TBC1D9: variants seen among roughly 807,000 people sequenced by gnomAD.
The protein encoded by TBC1D9 is TBC1 domain family member 9A.
A neutral mutation model predicts 132.0 loss-of-function variants in TBC1D9; 63 were observed. That is an observed-to-expected ratio of 0.48 (90% CI 0.39 to 0.59). TBC1D9 has a LOEUF of 0.59. Ranked by LOEUF, TBC1D9 falls within the 20% of genes least tolerant of loss-of-function variation. TBC1D9 has a pLI of 0.00. For missense variants in TBC1D9, 1,261 were observed against 1,592.7 expected (o/e 0.79, Z 3.54); for synonymous variants, 610 against 609.9 (o/e 1.00, Z 0.00).
At chr4:140,725,051 T>C (rs548087878) in intron 1 of TBC1D9, among the ~76,000 whole-genome samples, 1 of 152,352 alleles carries the variant, frequency 6.6e-6, no homozygotes, top group South Asian at 2.1e-4. Context: ...ACGATTTCAC[T>C]TGTTGAAATT....
rs570639420 is a variant in TBC1D9, at chr4:140,696,391, A to T, written c.241+5113T>A. ...AGAATCACTTCAACCCAGAAGGCAG[A>T]GGTTGCAGTGAGCCGAGATTGTGCC... On this transcript the variant is annotated intron_variant, in intron 2 of 20. Coordinates refer to ENST00000442267, the MANE Select transcript of TBC1D9 (RefSeq NM_015130.3). 2.1e-4 allele frequency among the ~76,000 whole-genome samples: 28 copies of T among 130,876 alleles called. 1 individual carries two copies. The South Asian group carries it at 7.4e-3, about 35-fold the overall frequency. 85.9% of individuals were successfully genotyped at this position (130,876 alleles called of 152,430 possible). A position where few individuals can be genotyped will look rare whatever the true frequency, so the allele number is the denominator to read the frequency against.
chr4:140,751,752 C>T (rs370854863), intron 1 of TBC1D9, among the ~76,000 whole-genome samples: 2 of 152,224 alleles, frequency 1.3e-5, no homozygotes, highest in South Asian at 4.1e-4. Flanking sequence ...AGAAAAAAGA[C>T]AATCCGGTTG....
At chr4:140,643,404 A>AGGGTGTTCC in intron 13 of TBC1D9, 1 of 1,116,500 alleles carries the variant, frequency 9.0e-7, no homozygotes, top group Non-Finnish European at 1.3e-6. Flanking sequence ...GGCCACCTCC[A>AGGGTGTTCC]TGCCAGCCAG....
At chr4:140,709,065 A>C (rs963701839) in intron 1 of TBC1D9, among the ~76,000 whole-genome samples, 5 of 152,122 alleles carry the variant, frequency 3.3e-5, no homozygotes, top group African/African-American at 1.2e-4. Flanking sequence ...GGTTCTCAAC[A>C]AGCCTACTAT....
chr4:140,635,717 G>A (rs1736869121), intron 15 of TBC1D9, among the ~76,000 whole-genome samples: 1 of 152,164 alleles, frequency 6.6e-6, no homozygotes, highest in Non-Finnish European at 1.5e-5. Context: ...AGGAGAGGTG[G>A]TGAGCAGAAC....
intron 1 of TBC1D9, among the ~76,000 whole-genome samples, chr4:140,702,689 G>A (rs553131601): frequency 7.9e-5 from 12 of 152,278 alleles, no homozygotes; most frequent in Admixed American, 5.2e-4. Context: ...ACACTGAAGC[G>A]GGATTGGCAC....
chr4:140,673,035 C>T (rs1231619850), intron 6 of TBC1D9, among the ~76,000 whole-genome samples: 2 of 152,096 alleles, frequency 1.3e-5, no homozygotes, highest in African/African-American at 4.8e-5. Flanking sequence ...TGGCGCATGC[C>T]TGTAATTCTA....
intron 11 of TBC1D9, 63 bp downstream of exon 11, chr4:140,659,525 A>C: frequency 8.5e-7 from 1 of 1,175,220 alleles, no homozygotes. Flanking sequence ...TCTGGCTGGC[A>C]CCTCTCTAAA....
intron 2 of TBC1D9, among the ~76,000 whole-genome samples, chr4:140,696,046 T>C (rs981165456): frequency 6.6e-6 from 1 of 152,202 alleles, no homozygotes; most frequent in African/African-American, 2.4e-5. Context: ...ACTAGTGAAA[T>C]GAAATGGTCG....
rs568137665 is a variant in TBC1D9, at chr4:140,674,739, C to T, written c.1059+2155G>A. Among the ~76,000 whole-genome samples the T allele has an allele frequency of 1.5e-3, 222 of 151,622 alleles. 1 individual carries two copies. Among genetic ancestry groups the T allele is most frequent in the Middle Eastern group, 6.8e-3 (2 of 292 alleles). On this transcript the variant is annotated intron_variant, in intron 6 of 20. Coordinates refer to ENST00000442267, the MANE Select transcript of TBC1D9 (RefSeq NM_015130.3). ...TTAGAGATAAGGTCTTGCTCTGTCA[C>T]CCAAGCTGGAGTGCAGTGGTTCGAT...
chr4:140,622,422 T>C lies in TBC1D9; in HGVS notation c.3574A>G (p.Ser1192Gly). ...DIGEDTVLVR[S>G]GQGTAALPRS... is the part of the protein sequence containing the mutation. The stretch of plus-strand genomic sequence containing the variant: ...GGCAGTGCCGCCGTGCCCTGGCCGC[T>C]CCGCACCAGGACCGTGTCCTCTCCG... The change falls in exon 21 of 21, where the codon AGC becomes GGC. Residue 1192 changes from serine (S) to glycine (G), a missense_variant. Ser to Gly is a moderately conservative substitution (Grantham distance 56). This residue lies in a region of TBC1D9 where 618 missense variants were observed against 724.4 expected (regional missense o/e 0.85). Coordinates refer to ENST00000442267, the MANE Select transcript of TBC1D9 (RefSeq NM_015130.3). 1 of 1,613,604 alleles carries C rather than the reference T, an allele frequency of 6.2e-7. No individual in the cohort carries two copies. Among genetic ancestry groups the C allele is most frequent in the South Asian group, 1.1e-5 (1 of 91,054 alleles).
intron 9 of TBC1D9, among the ~76,000 whole-genome samples, chr4:140,664,463 CT>C (rs1277186043): frequency 6.6e-6 from 1 of 152,080 alleles, no homozygotes. Flanking sequence ...CCCATCTGTC[CT>C]TTTTGCAAAA....
chr4:140,713,333 C>T (rs1320237132), intron 1 of TBC1D9, among the ~76,000 whole-genome samples: 2 of 152,158 alleles, frequency 1.3e-5, no homozygotes, highest in Non-Finnish European at 2.9e-5. Context: ...ACCAGCCACT[C>T]TGTGCTTATA....
At chr4:140,712,875 G>A (rs568378251) in intron 1 of TBC1D9, among the ~76,000 whole-genome samples, 1 of 152,140 alleles carries the variant, frequency 6.6e-6, no homozygotes, top group Non-Finnish European at 1.5e-5. Flanking sequence ...TATTTCTCAT[G>A]GCCTAATAAC....
At chr4:140,732,390 A>C (rs979379975) in intron 1 of TBC1D9, among the ~76,000 whole-genome samples, 2 of 152,182 alleles carry the variant, frequency 1.3e-5, no homozygotes, top group Non-Finnish European at 2.9e-5. Context: ...GCAGTTGCAA[A>C]ATATTTAAAT....
intron 1 of TBC1D9, among the ~76,000 whole-genome samples, chr4:140,726,245 C>T (rs1043426029): frequency 2.0e-5 from 3 of 151,910 alleles, no homozygotes; most frequent in Non-Finnish European, 4.4e-5. Context: ...GCCAAGACTG[C>T]ACCACTGAAC....
intron 1 of TBC1D9, among the ~76,000 whole-genome samples, chr4:140,745,960 T>C (rs1418407580): frequency 6.6e-6 from 1 of 152,226 alleles, no homozygotes; most frequent in Non-Finnish European, 1.5e-5. Context: ...GGTTGTTTGA[T>C]TATAAAATGG....
At chr4:140,690,812 G>A (rs1737868980) in intron 2 of TBC1D9, among the ~76,000 whole-genome samples, 1 of 152,008 alleles carries the variant, frequency 6.6e-6, no homozygotes, top group Admixed American at 6.5e-5. Flanking sequence ...GGCAGAGCAT[G>A]GTGAGAGCAC....
chr4:140,622,117 A>C lies in TBC1D9; in HGVS notation c.*78T>G. The C allele has an allele frequency of 6.7e-7, 1 of 1,483,326 alleles. No individual in the cohort carries two copies. 91.9% of individuals were successfully genotyped at this position (1,483,326 alleles called of 1,614,324 possible). A position where few individuals can be genotyped will look rare whatever the true frequency, so the allele number is the denominator to read the frequency against. ...ATAAATATTTAATTTAAAAGAAAGA[A>C]AGAAAAAACTCAACACAGAAGAACA... On this transcript the variant is annotated 3_prime_UTR_variant, in exon 21 of 21. Coordinates refer to ENST00000442267, the MANE Select transcript of TBC1D9 (RefSeq NM_015130.3).
Sources: gnomAD v4.1 joint callset for allele counts (sites outside exome capture counted in the v4.1 genomes callset) on GRCh38, gnomAD v4.1.1 for gene constraint, gnomAD v4.1.1 regional missense constraint, MANE v1.5 for transcripts, NCBI Gene and HGNC (gene_info 2026-07-23, HGNC 2026-07-21) for gene names.